SDK1: variants seen among roughly 807,000 people sequenced by gnomAD.
SDK1 encodes the protein protein sidekick-1.
SDK1 carries 157 observed loss-of-function variants against 245.5 expected under a neutral mutation model. The ratio of observed to expected loss-of-function variants is 0.64; its 90% CI spans 0.56 to 0.73. The LOEUF is 0.73. Ranked by LOEUF, SDK1 falls within the 30% of genes least tolerant of loss-of-function variation. The pLI is 0.00. For synonymous variants in SDK1, 1,647 were observed against 1,278.5 expected (o/e 1.29, Z -6.15); for missense variants, 3,583 against 3,002.3 (o/e 1.19, Z -4.52).
chr7:3,339,008 G>C (rs1416009737), intron 1 of SDK1, among the ~76,000 whole-genome samples: 1 of 152,146 alleles, frequency 6.6e-6, no homozygotes, highest in African/African-American at 2.4e-5. Flanking sequence ...CCAATTAAAG[G>C]ATAGAGATTG....
At chr7:4,237,271 G>A (rs958820122) in intron 41 of SDK1, among the ~76,000 whole-genome samples, 4 of 151,928 alleles carry the variant, frequency 2.6e-5, no homozygotes, top group African/African-American at 7.3e-5. Flanking sequence ...GGATCAGGCA[G>A]TGTTTTTAAA....
intron 1 of SDK1, among the ~76,000 whole-genome samples, chr7:3,595,156 A>C (rs927380007): frequency 1.3e-5 from 2 of 152,116 alleles, no homozygotes; most frequent in African/African-American, 4.8e-5. Context: ...ATCTTGCCTG[A>C]ATAATGTGAG....
chr7:3,681,741 A>G (rs1256003794), intron 4 of SDK1, among the ~76,000 whole-genome samples: 1 of 152,212 alleles, frequency 6.6e-6, no homozygotes, highest in African/African-American at 2.4e-5. Flanking sequence ...TTGTTGAATG[A>G]ATACATTGAA....
chr7:3,335,681 A>G (rs1183834689), intron 1 of SDK1, among the ~76,000 whole-genome samples: 1 of 152,234 alleles, frequency 6.6e-6, no homozygotes, highest in African/African-American at 2.4e-5. Flanking sequence ...GGAAGAGGAA[A>G]GTAAGCACTA....
rs115198633 is a variant in SDK1 at position 3,385,779 on chromosome 7, G to A, written c.298+83895G>A. On this transcript the variant is annotated intron_variant, in intron 1 of 44. Coordinates refer to ENST00000404826, the MANE Select transcript of SDK1 (RefSeq NM_152744.4). The stretch of plus-strand genomic sequence containing the variant: ...TGAGATGGAGATCATATTTTGTGGC[G>A]ATTAGTAAGGGATTGTAATATCTCT... Among the ~76,000 whole-genome samples, 304 of 152,160 alleles carry A rather than the reference G, an allele frequency of 2.0e-3. 1 individual carries two copies. The highest frequency in any genetic ancestry group is 3.5e-3 in the Non-Finnish European group (236 of 67,984).
intron 35 of SDK1, among the ~76,000 whole-genome samples, chr7:4,204,910 GAGGCGTTCTGGAACGC>G (rs1416564286): frequency 7.5e-6 from 1 of 133,922 alleles, no homozygotes; most frequent in Non-Finnish European, 1.6e-5. Flanking sequence ...AGACAGGACG[GAGGCGTTCTGGAACGC>G]AGGCGTGTGC....
intron 4 of SDK1, among the ~76,000 whole-genome samples, chr7:3,802,937 A>T (rs1032698513): frequency 1.3e-5 from 2 of 152,198 alleles, no homozygotes; most frequent in Non-Finnish European, 2.9e-5. Context: ...GAACATTTCT[A>T]TTCAGGTTTT....
chr7:3,627,909 C>G (rs1034138071), intron 2 of SDK1, among the ~76,000 whole-genome samples: 6 of 152,172 alleles, frequency 3.9e-5, no homozygotes, highest in African/African-American at 1.4e-4. Context: ...AGTCCTGTTT[C>G]TCCCAGGCCT....
At chr7:3,422,403 T>C (rs560493514) in intron 1 of SDK1, among the ~76,000 whole-genome samples, 1 of 152,304 alleles carries the variant, frequency 6.6e-6, no homozygotes, top group South Asian at 2.1e-4. Context: ...CAAATCTAAA[T>C]AAATGTTAGT....
chr7:3,990,968 A>G (rs1488375716), intron 14 of SDK1, among the ~76,000 whole-genome samples: 1 of 152,186 alleles, frequency 6.6e-6, no homozygotes, highest in Non-Finnish European at 1.5e-5. Flanking sequence ...TACAGCGGTG[A>G]AGCCAGCTGG....
At chr7:3,586,106 G>A (rs1260844443) in intron 1 of SDK1, among the ~76,000 whole-genome samples, 3 of 152,124 alleles carry the variant, frequency 2.0e-5, no homozygotes, top group Non-Finnish European at 4.4e-5. Flanking sequence ...GCAGGGAGGT[G>A]TGTAGAGTCG....
rs117923222 is a variant in SDK1, at chr7:4,019,334, A to T, written c.2602+1982A>T. ...CTGACATCCAGGCTTCCAAGACAAGACTGCTGTTCTCTGAGTGACATCAGC... is the reference window on the plus strand; with the variant it reads ...CTGACATCCAGGCTTCCAAGACAAGTCTGCTGTTCTCTGAGTGACATCAGC... On this transcript the variant is annotated intron_variant, in intron 17 of 44. Coordinates refer to ENST00000404826, the MANE Select transcript of SDK1 (RefSeq NM_152744.4). Among the ~76,000 whole-genome samples, 933 of 152,286 alleles carry T rather than the reference A, an allele frequency of 6.1e-3. 5 individuals are homozygous for T. Among genetic ancestry groups the T allele is most frequent in the East Asian group, 0.036 (184 of 5,182 alleles).
chr7:4,215,110 C>T (rs1057266837), intron 38 of SDK1, among the ~76,000 whole-genome samples: 1 of 152,210 alleles, frequency 6.6e-6, no homozygotes, highest in African/African-American at 2.4e-5. Context: ...AACCCTGGCT[C>T]GCCGAGACAC....
chr7:3,555,859 C>T lies in SDK1; in HGVS notation c.299-63221C>T, dbSNP rs114728245. Among the ~76,000 whole-genome samples the T allele has an allele frequency of 2.1e-3, 321 of 152,194 alleles. 1 individual carries two copies. The highest frequency in any genetic ancestry group is 7.1e-3 in the African/African-American group (294 of 41,514). On this transcript the variant is annotated intron_variant, in intron 1 of 44. Coordinates refer to ENST00000404826, the MANE Select transcript of SDK1 (RefSeq NM_152744.4). ...AGAAATGCAAATCAAAACCATTATA[C>T]AACAAGGTATCATCTCACTCCAGTT...
chr7:4,077,390 G>A (rs980278902), intron 21 of SDK1, among the ~76,000 whole-genome samples: 3 of 152,238 alleles, frequency 2.0e-5, no homozygotes, highest in African/African-American at 7.2e-5. Flanking sequence ...ACGGCCTCAC[G>A]TCCCTTCTGT....
At chr7:3,696,197 C>T (rs185040506) in intron 4 of SDK1, among the ~76,000 whole-genome samples, 84 of 152,248 alleles carry the variant, frequency 5.5e-4, no homozygotes, top group Non-Finnish European at 1.0e-3. Flanking sequence ...TTGCCACTCT[C>T]TCCACTGTGA....
chr7:3,725,773 C>T (rs910376157), intron 4 of SDK1, among the ~76,000 whole-genome samples: 2 of 152,188 alleles, frequency 1.3e-5, no homozygotes, highest in African/African-American at 4.8e-5. Flanking sequence ...GGGAGTTGTA[C>T]TGTCGTCTTC....
In SDK1 at chr7:3,990,677, C is replaced by T. The variant is rs142444222; in HGVS notation, c.2131+3355C>T. 3.9e-5 allele frequency among the ~76,000 whole-genome samples: 6 copies of T among 152,318 alleles called. No individual in the cohort carries two copies. The East Asian group carries it at 7.7e-4, about 20-fold the overall frequency. ...TTCAGGACTGTGTCTCCTTTGTCTT[C>T]GTGCTCCTCATTCCCTGCACTTAGT... On this transcript the variant is annotated intron_variant, in intron 14 of 44. Transcript: ENST00000404826.
At chr7:3,999,519 C>T (rs1784919626) in intron 14 of SDK1, among the ~76,000 whole-genome samples, 2 of 152,180 alleles carry the variant, frequency 1.3e-5, no homozygotes, top group Non-Finnish European at 2.9e-5. Flanking sequence ...GAGGTGGACC[C>T]TGAGCAGAAT....
Sources: gnomAD v4.1 joint callset for allele counts (sites outside exome capture counted in the v4.1 genomes callset) on GRCh38, gnomAD v4.1.1 for gene constraint, MANE v1.5 for transcripts, NCBI Gene and HGNC (gene_info 2026-07-23, HGNC 2026-07-21) for gene names.